The following AFG2A variants were observed in gnomAD, a reference collection of about 807,000 sequenced individuals.
AFG2A encodes the protein AAA ATPase AFG2A, also known as ATPase family gene 2 protein homolog A.
At chr4:122,995,228 G>C in the AFG2A span, among the ~76,000 whole-genome samples, 1,841 of 152,068 alleles carry the variant, frequency 0.012, 42 homozygotes, top group African/African-American at 0.041. Flanking sequence ...ATAAAAGATT[G>C]CTTTTTTTGG....
chr4:123,204,925 AT>A, the AFG2A span, among the ~76,000 whole-genome samples: 1 of 152,180 alleles, frequency 6.6e-6, no homozygotes, highest in African/African-American at 2.4e-5. Flanking sequence ...TGTTGGGAGT[AT>A]GTATACAATG....
chr4:123,153,795 G>A, the AFG2A span, among the ~76,000 whole-genome samples: 76 of 152,064 alleles, frequency 5.0e-4, no homozygotes, highest in Middle Eastern at 3.4e-3. Flanking sequence ...AACTTTAAAA[G>A]CAGTCAAATG....
At chr4:123,118,350 ATAT>A in the AFG2A span, among the ~76,000 whole-genome samples, 1 of 54,950 alleles carries the variant, frequency 1.8e-5, no homozygotes, top group African/African-American at 3.5e-5. Context: ...TATATTATAT[ATAT>A]TATATATATA....
chr4:122,945,747 G>C, the AFG2A span, among the ~76,000 whole-genome samples: 1 of 152,216 alleles, frequency 6.6e-6, no homozygotes, highest in Non-Finnish European at 1.5e-5. Context: ...TGCTCACGCT[G>C]GGAGCTGTAG....
chr4:123,042,190 T>A, the AFG2A span, among the ~76,000 whole-genome samples: 3 of 152,196 alleles, frequency 2.0e-5, no homozygotes, highest in Non-Finnish European at 2.9e-5. Flanking sequence ...ATAGACTGGG[T>A]GGTTTAAACA....
the AFG2A span, among the ~76,000 whole-genome samples, chr4:122,924,735 G>T: frequency 1.3e-5 from 2 of 151,540 alleles, no homozygotes; most frequent in Non-Finnish European, 2.9e-5. Context: ...TTGTTTTTGC[G>T]CCTTGATGTG....
At chr4:122,939,211 G>A in the AFG2A span, among the ~76,000 whole-genome samples, 9 of 149,784 alleles carry the variant, frequency 6.0e-5, no homozygotes, top group Admixed American at 1.3e-4. Flanking sequence ...TCAGCCTCCC[G>A]AGTAGCTGGG....
the AFG2A span, among the ~76,000 whole-genome samples, chr4:123,147,740 T>C: frequency 6.6e-6 from 1 of 152,166 alleles, no homozygotes; most frequent in Non-Finnish European, 1.5e-5. Context: ...GGAGGGAGAC[T>C]AATAAGAGGA....
At chr4:122,954,265 G>T in the AFG2A span, among the ~76,000 whole-genome samples, 3 of 152,070 alleles carry the variant, frequency 2.0e-5, no homozygotes, top group African/African-American at 7.2e-5. Context: ...CTCCATCCCC[G>T]TGTCCCATAG....
the AFG2A span, among the ~76,000 whole-genome samples, chr4:122,993,292 C>T: frequency 1.5e-3 from 223 of 152,036 alleles, no homozygotes; most frequent in Middle Eastern, 0.014. Context: ...AGCACCTAGC[C>T]GTCTTTGTAT....
At chr4:123,292,616 G>T in the AFG2A span, among the ~76,000 whole-genome samples, 1 of 152,046 alleles carries the variant, frequency 6.6e-6, no homozygotes, top group Non-Finnish European at 1.5e-5. Context: ...GCTTTCAGTG[G>T]CAAAGACTTT....
chr4:123,004,238 A>T, the AFG2A span, among the ~76,000 whole-genome samples: 2 of 151,928 alleles, frequency 1.3e-5, no homozygotes, highest in Admixed American at 6.5e-5. Flanking sequence ...AGGAAAGGGA[A>T]CTCCCTGATC....
the AFG2A span, chr4:122,929,222 A>C: frequency 2.6e-6 from 4 of 1,545,274 alleles, no homozygotes; most frequent in Non-Finnish European, 3.5e-6. Context: ...TTTGGTGACT[A>C]TCTGGATCAA....
the AFG2A span, among the ~76,000 whole-genome samples, chr4:122,983,443 T>C: frequency 6.6e-6 from 1 of 152,174 alleles, no homozygotes; most frequent in East Asian, 1.9e-4. Flanking sequence ...AGGTATTTAT[T>C]GCTATAAACT....
At chr4:123,122,942 T>C in the AFG2A span, among the ~76,000 whole-genome samples, 25 of 152,286 alleles carry the variant, frequency 1.6e-4, no homozygotes, top group African/African-American at 6.0e-4. Flanking sequence ...TTTTCCTTTC[T>C]GAAAATTGAC....
the AFG2A span, among the ~76,000 whole-genome samples, chr4:122,940,354 GT>G: frequency 3.3e-5 from 5 of 152,114 alleles, no homozygotes; most frequent in Non-Finnish European, 7.3e-5. Flanking sequence ...TCTCATTGTG[GT>G]TTTGATTTGC....
chr4:123,260,077 C>T, the AFG2A span: 4 of 152,044 alleles, frequency 2.6e-5, no homozygotes, highest in Non-Finnish European at 5.9e-5. Flanking sequence ...AGGGAGGAGC[C>T]GATTGGGACA....
the AFG2A span, among the ~76,000 whole-genome samples, chr4:123,239,130 T>C: frequency 6.6e-6 from 1 of 151,798 alleles, no homozygotes; most frequent in Non-Finnish European, 1.5e-5. Flanking sequence ...GAAGAGAAGT[T>C]TAGAGAAAAA....
chr4:123,259,523 C>T, the AFG2A span, among the ~76,000 whole-genome samples: 2 of 152,186 alleles, frequency 1.3e-5, no homozygotes, highest in African/African-American at 2.4e-5. Flanking sequence ...CCTCATTGTC[C>T]TGGCTTCTTG....
Sources: allele counts gnomAD v4.1 joint callset (sites outside exome capture counted in the v4.1 genomes callset), GRCh38; gene constraint gnomAD v4.1.1; transcripts MANE v1.5; gene names NCBI Gene and HGNC (gene_info 2026-07-23, HGNC 2026-07-21).